TBC1D24: variants seen among roughly 807,000 people sequenced by gnomAD.
TBC1D24 encodes the protein Infantile myoclonic epilepsy.
In TBC1D24, 47 loss-of-function variants were observed where a neutral mutation model predicts 50.7. That is an observed-to-expected ratio of 0.93 (90% CI 0.73 to 1.18). The LOEUF (loss-of-function observed/expected upper bound fraction) is 1.18, where lower values mean the gene tolerates loss of function less well. Among genes scored for constraint, TBC1D24 ranks in the 50% most tolerant of loss-of-function variants. The pLI, the probability that TBC1D24 is intolerant of heterozygous loss-of-function variation, is 0.00. For synonymous variants in TBC1D24, 324 were observed against 335.2 expected, an observed-to-expected ratio of 0.97 and a Z score of 0.36; for missense variants, 688 against 766.5, an observed-to-expected ratio of 0.90 and a Z score of 1.21.
At chr16:2,476,195 C>A (rs2065566779) in intron 1 of TBC1D24, among the ~76,000 whole-genome samples, 1 of 152,240 alleles carries the variant, frequency 6.6e-6, no homozygotes, top group Non-Finnish European at 1.5e-5. Flanking sequence ...TTATTTGGCA[C>A]GTGGGCCGTT....
At position 2,498,349 on chromosome 16, in the gene TBC1D24, G is replaced by A. The variant is rs2141874394; in HGVS notation, c.1095G>A (p.Gln365=). 1.9e-6 allele frequency: 3 copies of A among 1,609,934 alleles called. No individual in the cohort carries two copies. The highest frequency in any genetic ancestry group is 2.5e-6 in the Non-Finnish European group (3 of 1,178,222). ...SWVPERFALC[Q]PLLLFSSLQH... is the part of the protein sequence containing the mutation. ...TCCCCGAGCGCTTTGCCCTGTGCCA[G>A]CCCCTTCTGCTGTTCTCCTCCCTGC... The change falls in exon 4 of 8, where the codon CAG becomes CAA. Residue 365 remains glutamine, a synonymous_variant. Coordinates refer to ENST00000646147, the MANE Select transcript of TBC1D24 (RefSeq NM_001199107.2).
At position 2,499,390 on chromosome 16, in the gene TBC1D24, C is replaced by A. The variant is rs1567413684; in HGVS notation, c.1176C>A (p.Thr392=). The change falls in exon 5 of 8, where the codon ACC becomes ACA. Residue 392 remains threonine (T), a synonymous_variant. Coordinates refer to ENST00000646147, the MANE Select transcript of TBC1D24 (RefSeq NM_001199107.2). The surrounding 1 kb of genome is among the most constrained non-coding windows in gnomAD (Gnocchi z 4.0). ...TCCAGTGTGAAGGACATGAGCCTAC[C>A]CTCTTGCTCATCAAGACCACGCAGA... ...FYFQCEGHEP[T]LLLIKTTQKE... is the part of the protein sequence containing the mutation. 1 of 1,613,522 alleles carries A rather than the reference C, an allele frequency of 6.2e-7. No individual in the cohort carries two copies. The highest frequency in any genetic ancestry group is 2.2e-5 in the East Asian group (1 of 44,874).
chr16:2,500,244 C>T lies in TBC1D24; in HGVS notation c.1303-24C>T. On this transcript the variant is annotated intron_variant, in intron 6 of 7. Coordinates refer to ENST00000646147, the MANE Select transcript of TBC1D24 (RefSeq NM_001199107.2). This position sits in a 1 kb window ranked among gnomAD's most constrained non-coding sequence, Gnocchi z 8.0. ...GGGCCTGCGAACGCCCGCGCCAGCTCCTCACACTCCCCTTCCACCCCAGCT... is the reference window on the plus strand; with the variant it reads ...GGGCCTGCGAACGCCCGCGCCAGCTTCTCACACTCCCCTTCCACCCCAGCT... The T allele has an allele frequency of 6.3e-7, 1 of 1,575,476 alleles. No homozygotes were observed. Among genetic ancestry groups the T allele is most frequent in the Non-Finnish European group, 8.6e-7 (1 of 1,158,520 alleles).
chr16:2,501,087 C>A lies in TBC1D24; in HGVS notation c.*129C>A. 1 of 1,270,624 alleles carries A rather than the reference C, an allele frequency of 7.9e-7. No individual in the cohort carries two copies. The highest frequency in any genetic ancestry group is 1.1e-6 in the Non-Finnish European group (1 of 921,250). 78.7% of individuals were successfully genotyped at this position (1,270,624 alleles called of 1,614,324 possible). ...GTTGGGGGACGGCAGGACCCCATGG[C>A]CAAGCCTGGCGTTGCCTGGACCTGC... On this transcript the variant is annotated 3_prime_UTR_variant, in exon 8 of 8. Transcript: ENST00000646147.
rs1239330118 is a variant in TBC1D24 at position 2,503,865 on chromosome 16, TTTA to T, written c.*2908_*2910del. 6.6e-6 allele frequency: 1 copy of T among 152,178 alleles called. No individual in the cohort carries two copies. The highest frequency in any genetic ancestry group is 6.5e-5 in the Admixed American group (1 of 15,278). The allele number at this position is 152,178 out of a possible 1,614,324, so 9.4% of individuals were successfully genotyped here. On this transcript the variant is annotated 3_prime_UTR_variant, in exon 8 of 8. Transcript: ENST00000646147. ...GTGAGCCACCGCGCCTAGCCTATTT[TTTA>T]ATTTTTTTGAATAGACCACTTTGTG...
At position 2,482,777 on chromosome 16, in the gene TBC1D24, G is replaced by A. The variant is rs1171697669; in HGVS notation, c.-116+7607G>A. 6.6e-6 allele frequency among the ~76,000 whole-genome samples: 1 copy of A among 152,194 alleles called. No individual in the cohort carries two copies. ...AAGAAGGATTCTAGGCTCAGGAGAGGGTGGGCTCCATTGGAGAGACAGGCA... is the reference window on the plus strand; with the variant it reads ...AAGAAGGATTCTAGGCTCAGGAGAGAGTGGGCTCCATTGGAGAGACAGGCA... On this transcript the variant is annotated intron_variant, in intron 1 of 7. Transcript: ENST00000646147. The surrounding 1 kb of genome is among the most constrained non-coding windows in gnomAD (Gnocchi z 5.2).
Position 2,499,332 on chromosome 16 carries a change from G to A in TBC1D24, c.1143-25G>A. 6.2e-7 allele frequency: 1 copy of A among 1,607,266 alleles called. No homozygotes were observed. Among genetic ancestry groups the A allele is most frequent in the Non-Finnish European group, 8.5e-7 (1 of 1,176,538 alleles). On this transcript the variant is annotated intron_variant, in intron 4 of 7. Coordinates refer to ENST00000646147, the MANE Select transcript of TBC1D24 (RefSeq NM_001199107.2). This position sits in a 1 kb window ranked among gnomAD's most constrained non-coding sequence, Gnocchi z 4.0. ...GGCTGGGAGGGTGTGCAGGGTGACA[G>A]CTGGCATGCGTGTCTCTACGCCAGG...
Position 2,500,464 on chromosome 16 carries a change from C to G in TBC1D24, c.1499C>G (p.Ala500Gly). Residue 500 changes from alanine to glycine, a missense_variant, in exon 7 of 8, where the codon GCG (alanine) becomes GGG (glycine). Transcript: ENST00000646147. The surrounding 1 kb of genome is among the most constrained non-coding windows in gnomAD (Gnocchi z 8.0). The stretch of plus-strand genomic sequence containing the variant: ...TCCAAGACCGAGTCCATGTTCATGG[C>G]GGGGGGCAGCGACTGCCTCATCGTC... ...LPSKTESMFM[A>G]GGSDCLIVGG... 1 of 1,579,916 alleles carries G rather than the reference C, an allele frequency of 6.3e-7. No homozygotes were observed. The highest frequency in any genetic ancestry group is 8.6e-7 in the Non-Finnish European group (1 of 1,163,444).
At chr16:2,489,355 C>A (rs1368188695) in intron 1 of TBC1D24, among the ~76,000 whole-genome samples, 5 of 152,126 alleles carry the variant, frequency 3.3e-5, no homozygotes, top group African/African-American at 1.2e-4. Context: ...TGGTGTGAAC[C>A]CGGTAGGCGG....
chr16:2,497,997 A>T (rs117062333), intron 3 of TBC1D24, among the ~76,000 whole-genome samples: 273 of 152,276 alleles, frequency 1.8e-3, no homozygotes, highest in Non-Finnish European at 2.3e-3. Context: ...TTTCTTAGAG[A>T]AAAGTTGCAT....
At chr16:2,488,074 C>CCCA (rs1001002223) in intron 1 of TBC1D24, among the ~76,000 whole-genome samples, 28 of 152,358 alleles carry the variant, frequency 1.8e-4, no homozygotes, top group African/African-American at 6.7e-4. Flanking sequence ...CATGCTACCT[C>CCCA]CCACCTGCCT....
In TBC1D24 at chr16:2,498,381, G is replaced by A. The variant is rs1195571704; in HGVS notation, c.1127G>A (p.Gly376Glu). 6.2e-7 allele frequency: 1 copy of A among 1,606,240 alleles called. No individual in the cohort carries two copies. The highest frequency in any genetic ancestry group is 8.5e-7 in the Non-Finnish European group (1 of 1,176,646). Reference sequence around the variant, plus strand: ...CTGCTGTTCTCCTCCCTGCAGCACGGGTACAGCCTGGCCAGGTAACACCCC... The same window carrying A: ...CTGCTGTTCTCCTCCCTGCAGCACGAGTACAGCCTGGCCAGGTAACACCCC... ...PLLLFSSLQH[G>E]YSLARFYFQC... The change falls in exon 4 of 8, where the codon GGG becomes GAG. Residue 376 changes from glycine (G) to glutamate (E), a missense_variant. Physicochemically the swap from Gly to Glu is moderately conservative, Grantham distance 98. Transcript: ENST00000646147.
Position 2,486,070 on chromosome 16 carries a change from C to G in TBC1D24, c.-115-9964C>G, listed in dbSNP as rs529704083. Reference sequence around the variant, plus strand: ...GGCGGGTGGGGTCGGTGCTCAGGAGCGGGTGGGGCCTGCCGGTCTCCCTAG... The same window carrying G: ...GGCGGGTGGGGTCGGTGCTCAGGAGGGGGTGGGGCCTGCCGGTCTCCCTAG... On this transcript the variant is annotated intron_variant, in intron 1 of 7. Coordinates refer to ENST00000646147, the MANE Select transcript of TBC1D24 (RefSeq NM_001199107.2). This position sits in a 1 kb window ranked among gnomAD's most constrained non-coding sequence, Gnocchi z 5.8. Among the ~76,000 whole-genome samples, 58 of 152,274 alleles carry G rather than the reference C, an allele frequency of 3.8e-4. 1 individual carries two copies. In the South Asian group the frequency reaches 0.012, roughly 30 times the overall value.
Position 2,500,099 on chromosome 16 carries a change from G to A in TBC1D24, c.1302+169G>A, listed in dbSNP as rs777258937. Among the ~76,000 whole-genome samples the A allele has an allele frequency of 1.2e-4, 19 of 152,102 alleles. No homozygotes were observed. Among genetic ancestry groups the A allele is most frequent in the Non-Finnish European group, 2.6e-4 (18 of 67,992 alleles). On this transcript the variant is annotated intron_variant, in intron 6 of 7. Transcript: ENST00000646147. This position sits in a 1 kb window ranked among gnomAD's most constrained non-coding sequence, Gnocchi z 8.0. ...TGATCATTCAGCCGTGCGCTGCTCC[G>A]GGGCAGGGGGCTTCATCTGCTCGAG...
intron 1 of TBC1D24, among the ~76,000 whole-genome samples, chr16:2,493,372 C>G (rs1382803807): frequency 6.6e-6 from 1 of 151,968 alleles, no homozygotes. Flanking sequence ...ATCTCCTGAC[C>G]TCGTGATCCA....
At chr16:2,488,493 C>CTTT (rs34983305) in intron 1 of TBC1D24, among the ~76,000 whole-genome samples, 28 of 100,730 alleles carry the variant, frequency 2.8e-4, no homozygotes, top group African/African-American at 3.4e-4. Flanking sequence ...TCGCACATAG[C>CTTT]TTTTTTTTTT....
chr16:2,488,649 C>T (rs2141861829), intron 1 of TBC1D24, among the ~76,000 whole-genome samples: 2 of 151,048 alleles, frequency 1.3e-5, no homozygotes, highest in South Asian at 4.2e-4. Context: ...GTAGGTGGGA[C>T]TACAGGCGCC....
At position 2,500,531 on chromosome 16, in the gene TBC1D24, G is replaced by T; in HGVS notation, c.1525+41G>T. On this transcript the variant is annotated intron_variant, in intron 7 of 7. Coordinates refer to ENST00000646147, the MANE Select transcript of TBC1D24 (RefSeq NM_001199107.2). This position sits in a 1 kb window ranked among gnomAD's most constrained non-coding sequence, Gnocchi z 8.0. ...CGGGGCTCTGGGATGAGGGTGTGGG[G>T]TCCGGGCAGCTGAAGCTGCTGCACC... 1 of 1,529,574 alleles carries T rather than the reference G, an allele frequency of 6.5e-7. No individual in the cohort carries two copies. The highest frequency in any genetic ancestry group is 8.8e-7 in the Non-Finnish European group (1 of 1,137,150). 94.8% of individuals were successfully genotyped at this position (1,529,574 alleles called of 1,614,324 possible). A position where few individuals can be genotyped will look rare whatever the true frequency, so the allele number is the denominator to read the frequency against.
Position 2,485,831 on chromosome 16 carries a change from G to A in TBC1D24, c.-115-10203G>A, listed in dbSNP as rs966526412. 6.6e-6 allele frequency among the ~76,000 whole-genome samples: 1 copy of A among 152,218 alleles called. No homozygotes were observed. The highest frequency in any genetic ancestry group is 2.4e-5 in the African/African-American group (1 of 41,450). On this transcript the variant is annotated intron_variant, in intron 1 of 7. Coordinates refer to ENST00000646147, the MANE Select transcript of TBC1D24 (RefSeq NM_001199107.2). This position sits in a 1 kb window ranked among gnomAD's most constrained non-coding sequence, Gnocchi z 4.6. Reference sequence around the variant, plus strand: ...TGCTGGCGTCAGAGCAGAGGAAAACGTGGTATGAGAGTTTTTCCAAAGAGT... The same window carrying A: ...TGCTGGCGTCAGAGCAGAGGAAAACATGGTATGAGAGTTTTTCCAAAGAGT...
Sources: gnomAD v4.1 joint callset for allele counts (sites outside exome capture counted in the v4.1 genomes callset) on GRCh38, gnomAD v4.1.1 for gene constraint, Gnocchi (gnomAD v3.1) non-coding constraint, MANE v1.5 for transcripts, NCBI Gene and HGNC (gene_info 2026-07-23, HGNC 2026-07-21) for gene names.